Variants in ABHD6 observed in about 807,000 individuals in gnomAD.
ABHD6 encodes monoacylglycerol lipase ABHD6.
ABHD6 carries 33 observed loss-of-function variants against 38.8 expected under a neutral mutation model. The ratio of observed to expected loss-of-function variants is 0.85; its 90% CI spans 0.64 to 1.14. ABHD6 has a LOEUF of 1.14. Ranked by LOEUF, ABHD6 falls within the 50% of genes most tolerant of loss-of-function variation. ABHD6 has a pLI of 0.00. For missense variants in ABHD6, 380 were observed against 422.6 expected (o/e 0.90, Z 0.88); for synonymous variants, 147 against 161.6 (o/e 0.91, Z 0.69).
intron 1 of ABHD6, among the ~76,000 whole-genome samples, chr3:58,239,287 G>T (rs1288041634): frequency 1.3e-5 from 2 of 152,092 alleles, no homozygotes; most frequent in Non-Finnish European, 2.9e-5. Flanking sequence ...TCAGCTTCTG[G>T]TAATAGTACC....
At chr3:58,275,677 G>A (rs1218907906) in intron 7 of ABHD6, among the ~76,000 whole-genome samples, 2 of 152,044 alleles carry the variant, frequency 1.3e-5, no homozygotes, top group Non-Finnish European at 1.5e-5. Flanking sequence ...AAGTTCTAGG[G>A]TGCATGTGCA....
In ABHD6 at chr3:58,269,476, G is replaced by A; in HGVS notation, c.390+42G>A. On this transcript the variant is annotated intron_variant, in intron 5 of 9. Coordinates refer to ENST00000478253, the MANE Select transcript of ABHD6 (RefSeq NM_001320126.2). The surrounding 1 kb of genome is among the most constrained non-coding windows in gnomAD (Gnocchi z 4.4). ...ACCAAAGATTGCCCAGACTGTCTCAGCCACCATTACATGTCTGAGTCTGGA... is the reference window on the plus strand; with the variant it reads ...ACCAAAGATTGCCCAGACTGTCTCAACCACCATTACATGTCTGAGTCTGGA... 2.0e-6 allele frequency: 3 copies of A among 1,479,198 alleles called. No homozygotes were observed. The South Asian group carries it at 3.5e-5, about 17-fold the overall frequency. The allele number at this position is 1,479,198 out of a possible 1,614,324, so 91.6% of individuals were successfully genotyped here.
At chr3:58,282,113 G>A (rs1278696591) in intron 7 of ABHD6, among the ~76,000 whole-genome samples, 1 of 152,168 alleles carries the variant, frequency 6.6e-6, no homozygotes, top group Non-Finnish European at 1.5e-5. Context: ...GAAGAGGCAA[G>A]TAACATTGAG....
At chr3:58,274,635 C>A (rs1280690516) in intron 6 of ABHD6, 23 bp from the exon 7 acceptor site, 2 of 1,607,834 alleles carry the variant, frequency 1.2e-6, no homozygotes, top group Non-Finnish European at 1.7e-6. Context: ...TATCATCAAG[C>A]CATTTGGGTT....
intron 9 of ABHD6, among the ~76,000 whole-genome samples, chr3:58,286,846 G>GTATATATATATATATATATA (rs57921434): frequency 2.2e-5 from 2 of 90,220 alleles, no homozygotes; most frequent in African/African-American, 4.2e-5. Flanking sequence ...GTGTGTGTGT[G>GTATATATATATATATATATA]TGTGTGTATA....
intron 3 of ABHD6, chr3:58,258,593 C>T (rs1575519082): frequency 7.5e-6 from 2 of 266,154 alleles, no homozygotes; most frequent in South Asian, 6.7e-5. Context: ...AAGGGAGCAT[C>T]GAAATAGACC....
chr3:58,288,285 G>A (rs907836109), intron 9 of ABHD6, among the ~76,000 whole-genome samples: 1 of 152,192 alleles, frequency 6.6e-6, no homozygotes, highest in African/African-American at 2.4e-5. Context: ...TTGGACCCCT[G>A]TAGGCTGACT....
In ABHD6 at chr3:58,266,050, T is replaced by C. The variant is rs1015975528; in HGVS notation, c.120-1139T>C. ...AAAGTCGTGTTATGATTTAGAATTT[T>C]GAAATACGCTTGCCTTGCTGTAAGA... On this transcript the variant is annotated intron_variant, in intron 3 of 9. Coordinates refer to ENST00000478253, the MANE Select transcript of ABHD6 (RefSeq NM_001320126.2). This position sits in a 1 kb window ranked among gnomAD's most constrained non-coding sequence, Gnocchi z 4.0. Among the ~76,000 whole-genome samples the C allele has an allele frequency of 4.6e-5, 7 of 152,250 alleles. No individual in the cohort carries two copies. The highest frequency in any genetic ancestry group is 1.7e-4 in the African/African-American group (7 of 41,456).
At chr3:58,289,161 G>A (rs560084393) in intron 9 of ABHD6, among the ~76,000 whole-genome samples, 11 of 152,272 alleles carry the variant, frequency 7.2e-5, no homozygotes, top group African/African-American at 2.6e-4. Context: ...CTCAAGCAAT[G>A]CTCCCACCTC....
chr3:58,251,830 T>C lies in ABHD6; in HGVS notation c.-26+1888T>C, dbSNP rs2097430135. On this transcript the variant is annotated intron_variant, in intron 2 of 9. Coordinates refer to ENST00000478253, the MANE Select transcript of ABHD6 (RefSeq NM_001320126.2). This position sits in a 1 kb window ranked among gnomAD's most constrained non-coding sequence, Gnocchi z 5.4. ...TGAAGTGTTTTTCTTTTTCAGTGTA[T>C]TCAGTCAGGCGATAAACATGATCAA... Among the ~76,000 whole-genome samples the C allele has an allele frequency of 6.6e-6, 1 of 152,176 alleles. No individual in the cohort carries two copies. Among genetic ancestry groups the C allele is most frequent in the Admixed American group, 6.5e-5 (1 of 15,284 alleles).
chr3:58,276,233 C>T (rs921439659), intron 7 of ABHD6, among the ~76,000 whole-genome samples: 2 of 152,236 alleles, frequency 1.3e-5, no homozygotes, highest in African/African-American at 4.8e-5. Context: ...CTCCCACCAA[C>T]AGTGTAAAAG....
In ABHD6 at chr3:58,270,955, C is replaced by A. The variant is rs751029797; in HGVS notation, c.414C>A (p.Asn138Lys). ...AGTTTGTAGAATGCCTGAAGCTGAACAAAAAACCTTTCCACCTGGTAGGCA... is the reference window on the plus strand; with the variant it reads ...AGTTTGTAGAATGCCTGAAGCTGAAAAAAAAACCTTTCCACCTGGTAGGCA... ...IHQFVECLKL[N>K]KKPFHLVGTS... The change falls in exon 6 of 10, where the codon AAC becomes AAA. Residue 138 changes from asparagine to lysine, a missense_variant. By Grantham distance (94) the Asn-to-Lys change is moderately conservative. Transcript: ENST00000478253. 8 of 1,609,736 alleles carry A rather than the reference C, an allele frequency of 5.0e-6. No homozygotes were observed. The highest frequency in any genetic ancestry group is 6.8e-6 in the Non-Finnish European group (8 of 1,178,742).
chr3:58,289,830 C>T (rs1294603549), intron 9 of ABHD6, among the ~76,000 whole-genome samples: 5 of 150,448 alleles, frequency 3.3e-5, no homozygotes, highest in Admixed American at 6.6e-5. Context: ...AGGCGCCCCT[C>T]ACCACCCGGA....
At chr3:58,284,978 G>T (rs1188653764) in intron 7 of ABHD6, 107 bp from the exon 8 acceptor site, 2 of 999,750 alleles carry the variant, frequency 2.0e-6, no homozygotes, top group Non-Finnish European at 3.2e-6. Context: ...GACCTTGACA[G>T]TGCAATAAAT....
At position 58,293,320 on chromosome 3, in the gene ABHD6, C is replaced by T. The variant is rs1043768931; in HGVS notation, c.838-269C>T. ...GACTTCCCCACCATACCATAACCTC[C>T]TCAAGGGCAAGGAACGTTTGTTTTC... On this transcript the variant is annotated intron_variant, in intron 9 of 9. Transcript: ENST00000478253. This position sits in a 1 kb window ranked among gnomAD's most constrained non-coding sequence, Gnocchi z 4.4. Among the ~76,000 whole-genome samples the T allele has an allele frequency of 6.6e-6, 1 of 152,324 alleles. No individual in the cohort carries two copies. Among genetic ancestry groups the T allele is most frequent in the East Asian group, 1.9e-4 (1 of 5,188 alleles).
chr3:58,281,537 C>A (rs2107468541), intron 7 of ABHD6, among the ~76,000 whole-genome samples: 1 of 152,354 alleles, frequency 6.6e-6, no homozygotes, highest in Admixed American at 6.5e-5. Flanking sequence ...AATCCCCCGA[C>A]CCCTTGCACT....
At chr3:58,280,076 C>G (rs776299647) in intron 7 of ABHD6, among the ~76,000 whole-genome samples, 5 of 152,112 alleles carry the variant, frequency 3.3e-5, no homozygotes, top group Non-Finnish European at 7.4e-5. Context: ...CTTGGGGTTG[C>G]TATTCTCGAG....
chr3:58,269,464 C>A lies in ABHD6; in HGVS notation c.390+30C>A. On this transcript the variant is annotated intron_variant, in intron 5 of 9. Coordinates refer to ENST00000478253, the MANE Select transcript of ABHD6 (RefSeq NM_001320126.2). The surrounding 1 kb of genome is among the most constrained non-coding windows in gnomAD (Gnocchi z 4.4). The stretch of plus-strand genomic sequence containing the variant: ...GCAGGAGGCTCTACCAAAGATTGCC[C>A]AGACTGTCTCAGCCACCATTACATG... 6.5e-7 allele frequency: 1 copy of A among 1,532,554 alleles called. No individual in the cohort carries two copies. Among genetic ancestry groups the A allele is most frequent in the Non-Finnish European group, 9.0e-7 (1 of 1,109,152 alleles). 94.9% of individuals were successfully genotyped at this position (1,532,554 alleles called of 1,614,324 possible).
At chr3:58,268,027 C>T (rs960430891) in intron 4 of ABHD6, among the ~76,000 whole-genome samples, 2 of 152,176 alleles carry the variant, frequency 1.3e-5, no homozygotes, top group South Asian at 2.1e-4. Context: ...GAACCAAGAT[C>T]GTGCTATACC....
Sources: allele counts gnomAD v4.1 joint callset (sites outside exome capture counted in the v4.1 genomes callset), GRCh38; gene constraint gnomAD v4.1.1; non-coding constraint Gnocchi (gnomAD v3.1); transcripts MANE v1.5; gene names NCBI Gene and HGNC (gene_info 2026-07-23, HGNC 2026-07-21).